NEK4: variants seen among roughly 807,000 people sequenced by gnomAD.
NEK4 encodes the protein serine/threonine-protein kinase Nek4.
In NEK4, 86 loss-of-function variants were observed where a neutral mutation model predicts 98.4. The ratio of observed to expected loss-of-function variants is 0.87; its 90% CI spans 0.73 to 1.05. The LOEUF is 1.05. Among genes scored for constraint, NEK4 ranks in the 50% least tolerant of loss-of-function variants. NEK4 has a pLI of 0.00. For synonymous variants in NEK4, 328 were observed against 342.2 expected (o/e 0.96, Z 0.46); for missense variants, 898 against 950.3 (o/e 0.94, Z 0.72).
intron 12 of NEK4, among the ~76,000 whole-genome samples, chr3:52,742,826 G>A (rs1294737478): frequency 6.6e-6 from 1 of 152,162 alleles, no homozygotes; most frequent in Non-Finnish European, 1.5e-5. Flanking sequence ...GTCTTGCTCT[G>A]TCACCTAGGC....
rs747743240 is a variant in NEK4 at position 52,763,586 on chromosome 3, T to C, written c.705A>G (p.Ala235=). 4 of 1,612,710 alleles carry C rather than the reference T, an allele frequency of 2.5e-6. No individual in the cohort carries two copies. The Middle Eastern group carries it at 6.7e-4, about 270-fold the overall frequency. The change falls in exon 5 of 16, where the codon GCA becomes GCG. Residue 235 remains alanine (A), a synonymous_variant. Coordinates refer to ENST00000233027, the MANE Select transcript of NEK4 (RefSeq NM_003157.6). ...TGCTCAGCATTGTTCTTATCAGTTC[T>C]GCCAGCTCTGGGCTGTAATCTCTTG... ...PMPRDYSPEL[A]ELIRTMLSKR...
intron 5 of NEK4, among the ~76,000 whole-genome samples, chr3:52,762,571 G>A (rs919575488): frequency 2.6e-5 from 4 of 152,154 alleles, no homozygotes; most frequent in African/African-American, 9.7e-5. Context: ...AATATGCCAC[G>A]CCAAAATATG....
chr3:52,737,803 A>AT, intron 14 of NEK4, 84 bp from the exon 15 acceptor site: 2 of 956,256 alleles, frequency 2.1e-6, no homozygotes, highest in Non-Finnish European at 3.0e-6. Context: ...AAAATTTTGT[A>AT]TTTTATTTTA....
At chr3:52,769,415 A>T (rs2154107411) in intron 1 of NEK4, among the ~76,000 whole-genome samples, 1 of 152,318 alleles carries the variant, frequency 6.6e-6, no homozygotes, top group African/African-American at 2.4e-5. Flanking sequence ...CACTTAAAAG[A>T]AATCAATAGC....
chr3:52,731,563 C>T (rs1430533429), intron 15 of NEK4, among the ~76,000 whole-genome samples: 1 of 152,254 alleles, frequency 6.6e-6, no homozygotes, highest in Non-Finnish European at 1.5e-5. Context: ...CTTTGCAACA[C>T]ATGGTGACGG....
At chr3:52,728,876 C>T (rs1041799319) in intron 15 of NEK4, among the ~76,000 whole-genome samples, 1 of 152,104 alleles carries the variant, frequency 6.6e-6, no homozygotes, top group Admixed American at 6.5e-5. Context: ...GAGATAAGGA[C>T]TGAAATATGC....
chr3:52,762,462 CTA>C (rs1698393753), intron 5 of NEK4, among the ~76,000 whole-genome samples: 1 of 152,186 alleles, frequency 6.6e-6, no homozygotes, highest in South Asian at 2.1e-4. Context: ...AAAATTTACA[CTA>C]TATGTCTTAG....
At chr3:52,726,144 G>A (rs1223277822) in intron 15 of NEK4, among the ~76,000 whole-genome samples, 2 of 152,080 alleles carry the variant, frequency 1.3e-5, no homozygotes, top group Non-Finnish European at 2.9e-5. Context: ...ACAGCAAGAA[G>A]ATTAGAACAA....
intron 15 of NEK4, among the ~76,000 whole-genome samples, chr3:52,736,476 C>T (rs2097376100): frequency 6.6e-6 from 1 of 151,780 alleles, no homozygotes; most frequent in Non-Finnish European, 1.5e-5. Context: ...GTCCCAGCTA[C>T]TCGGGAGGCT....
chr3:52,759,614 T>C (rs904039956), intron 6 of NEK4, among the ~76,000 whole-genome samples: 1 of 152,192 alleles, frequency 6.6e-6, no homozygotes, highest in Non-Finnish European at 1.5e-5. Context: ...ACTGGAACTC[T>C]TGTGCACTGC....
At chr3:52,737,095 C>G (rs1352565660) in intron 15 of NEK4, among the ~76,000 whole-genome samples, 1 of 152,142 alleles carries the variant, frequency 6.6e-6, no homozygotes, top group Non-Finnish European at 1.5e-5. Flanking sequence ...TGGCACCATG[C>G]CCAGCTAATT....
intron 12 of NEK4, among the ~76,000 whole-genome samples, chr3:52,742,672 T>C (rs2097388559): frequency 6.6e-6 from 1 of 152,180 alleles, no homozygotes; most frequent in South Asian, 2.1e-4. Flanking sequence ...AACTGAGGAA[T>C]GATTAGCAAG....
chr3:52,712,305 A>G lies in NEK4; in HGVS notation c.2434-436T>C, dbSNP rs182760755. Among the ~76,000 whole-genome samples, 11 of 152,340 alleles carry G rather than the reference A, an allele frequency of 7.2e-5. 1 individual carries two copies. The East Asian group carries it at 2.1e-3, about 29-fold the overall frequency. ...GGAAAAGTTCCCTTGTCCCCCTCGC[A>G]GGGCGTGCAATGGGGGTGTGGCTCG... On this transcript the variant is annotated intron_variant, in intron 15 of 15. Coordinates refer to ENST00000233027, the MANE Select transcript of NEK4 (RefSeq NM_003157.6).
At chr3:52,747,680 C>T (rs1276650850) in intron 8 of NEK4, among the ~76,000 whole-genome samples, 1 of 151,686 alleles carries the variant, frequency 6.6e-6, no homozygotes, top group Non-Finnish European at 1.5e-5. Flanking sequence ...TGTGGTAGCC[C>T]ACACCTGTAA....
chr3:52,739,005 T>A (rs188009141), intron 14 of NEK4, among the ~76,000 whole-genome samples: 1 of 152,238 alleles, frequency 6.6e-6, no homozygotes, highest in Non-Finnish European at 1.5e-5. Flanking sequence ...TATGGAGATA[T>A]GCAAATGAAA....
At chr3:52,752,900 C>CAAAAAAAAAAAAAAAAAAA (rs71087016) in intron 6 of NEK4, among the ~76,000 whole-genome samples, 9 of 49,926 alleles carry the variant, frequency 1.8e-4, no homozygotes, top group Admixed American at 9.0e-4. Context: ...AACCCTGCCT[C>CAAAAAAAAAAAAAAAAAAA]AAAAAAAAAA....
intron 2 of NEK4, 39 bp downstream of exon 2, chr3:52,768,299 T>A: frequency 6.4e-7 from 1 of 1,564,138 alleles, no homozygotes. Context: ...CTTCTTGCCA[T>A]CTGGGAACAA....
intron 5 of NEK4, among the ~76,000 whole-genome samples, chr3:52,762,151 A>G (rs1228054189): frequency 6.6e-6 from 1 of 152,350 alleles, no homozygotes; most frequent in East Asian, 1.9e-4. Context: ...TCCAGCCCTA[A>G]GTCTTAGATC....
chr3:52,736,890 T>C (rs963249195), intron 15 of NEK4, among the ~76,000 whole-genome samples: 1 of 152,200 alleles, frequency 6.6e-6, no homozygotes, highest in Non-Finnish European at 1.5e-5. Context: ...AATTTCTAAA[T>C]TTTTGATTTA....
Sources: gnomAD v4.1 joint callset for allele counts (sites outside exome capture counted in the v4.1 genomes callset) on GRCh38, gnomAD v4.1.1 for gene constraint, MANE v1.5 for transcripts, NCBI Gene and HGNC (gene_info 2026-07-23, HGNC 2026-07-21) for gene names.